Variants in ZNF385D observed in about 807,000 individuals in gnomAD.
ZNF385D encodes the protein zinc finger protein 659.
Under a neutral mutation model 35.8 loss-of-function variants are expected in ZNF385D, and 15 were observed. The observed-to-expected ratio is 0.42, with a 90% confidence interval of 0.28 to 0.64. The LOEUF is 0.64. Among genes scored for constraint, ZNF385D ranks in the 30% least tolerant of loss-of-function variants. The probability of loss-of-function intolerance (pLI) is 0.23; values close to 1 mark genes in which losing one functional copy is unlikely to be tolerated. For missense variants in ZNF385D, 474 were observed against 494.6 expected (o/e 0.96, Z 0.39); for synonymous variants, 212 against 186.8 (o/e 1.13, Z -1.10).
chr3:21,981,049 G>A (rs889743872), intron 3 of ZNF385D, among the ~76,000 whole-genome samples: 4 of 152,008 alleles, frequency 2.6e-5, no homozygotes, highest in Non-Finnish European at 5.9e-5. Flanking sequence ...TGTCTTTATG[G>A]TAGAATAATT....
intron 2 of ZNF385D, among the ~76,000 whole-genome samples, chr3:22,370,588 C>A (rs1696858129): frequency 6.6e-6 from 1 of 152,194 alleles, no homozygotes; most frequent in African/African-American, 2.4e-5. Flanking sequence ...TTATTGCTCT[C>A]ATTTTTCAAG....
In ZNF385D at chr3:22,233,635, AC is replaced by A. The variant is rs569942938; in HGVS notation, c.107-64601del. 2.0e-3 allele frequency among the ~76,000 whole-genome samples: 300 copies of A among 152,146 alleles called. 1 individual carries two copies. The highest frequency in any genetic ancestry group is 0.014 in the Middle Eastern group (4 of 294). On this transcript the variant is annotated intron_variant, in intron 2 of 5. Coordinates refer to the ZNF385D transcript ENST00000494108. Reference sequence around the variant, plus strand: ...CATATGACCCTCCAACTACATCATAACCCCCAGAATACCTGGCTTCTACCCA... The same window carrying A: ...CATATGACCCTCCAACTACATCATAACCCCAGAATACCTGGCTTCTACCCA...
chr3:22,226,344 C>G (rs1172207843), intron 2 of ZNF385D, among the ~76,000 whole-genome samples: 1 of 152,010 alleles, frequency 6.6e-6, no homozygotes, highest in African/African-American at 2.4e-5. Flanking sequence ...GAGTCATAAA[C>G]AGACAATGGG....
At chr3:22,015,093 CATTT>C (rs1246901672) in intron 3 of ZNF385D, among the ~76,000 whole-genome samples, 1 of 152,006 alleles carries the variant, frequency 6.6e-6, no homozygotes. Flanking sequence ...GGGACTCCCA[CATTT>C]ATTATTTACC....
chr3:21,650,530 TAAAG>T (rs1250504813), intron 2 of ZNF385D, among the ~76,000 whole-genome samples: 1 of 152,180 alleles, frequency 6.6e-6, no homozygotes, highest in Non-Finnish European at 1.5e-5. Flanking sequence ...AAATTTATTT[TAAAG>T]AAAGAAATTT....
chr3:22,178,074 A>T (rs1156694467), intron 2 of ZNF385D, among the ~76,000 whole-genome samples: 1 of 152,164 alleles, frequency 6.6e-6, no homozygotes, highest in Non-Finnish European at 1.5e-5. Context: ...TAGCAGCATG[A>T]TATATAATTC....
intron 1 of ZNF385D, among the ~76,000 whole-genome samples, chr3:21,738,764 T>C (rs2069368687): frequency 6.6e-6 from 1 of 152,162 alleles, no homozygotes; most frequent in African/African-American, 2.4e-5. Flanking sequence ...GTGTTGAAAA[T>C]AGAGACAAAA....
chr3:22,138,986 C>A (rs868178853), intron 3 of ZNF385D, among the ~76,000 whole-genome samples: 2,906 of 152,238 alleles, frequency 0.019, 104 homozygotes, highest in African/African-American at 0.065. Context: ...AAACAAACAA[C>A]CCCATCAAAA....
intron 4 of ZNF385D, among the ~76,000 whole-genome samples, chr3:21,506,644 G>C (rs1014020376): frequency 6.6e-6 from 1 of 152,060 alleles, no homozygotes; most frequent in Non-Finnish European, 1.5e-5. Context: ...AAAAACACTT[G>C]CTAGATTAGA....
At chr3:22,167,604 C>G (rs762132768) in intron 3 of ZNF385D, among the ~76,000 whole-genome samples, 11 of 152,292 alleles carry the variant, frequency 7.2e-5, no homozygotes, top group African/African-American at 2.4e-4. Flanking sequence ...CAGAGGGCAG[C>G]CAGCCCACAT....
At chr3:21,979,614 G>C (rs952670133) in intron 3 of ZNF385D, 1 of 152,202 alleles carries the variant, frequency 6.6e-6, no homozygotes, top group Admixed American at 6.5e-5. Flanking sequence ...CAAGGTTCAA[G>C]TATGTTTGTC....
intron 4 of ZNF385D, among the ~76,000 whole-genome samples, chr3:21,451,636 C>T (rs561027701): frequency 1.3e-5 from 2 of 152,054 alleles, no homozygotes; most frequent in East Asian, 1.9e-4. Context: ...TAAATAATTA[C>T]AAAATAAAAC....
chr3:21,708,861 G>GCACA (rs34469159), intron 1 of ZNF385D, among the ~76,000 whole-genome samples: 1,658 of 148,356 alleles, frequency 0.011, 11 homozygotes, highest in Middle Eastern at 0.045. Context: ...GTGTGGGCGT[G>GCACA]CACACACACA....
At position 21,679,438 on chromosome 3, in the gene ZNF385D, T is replaced by G. The variant is rs755419807; in HGVS notation, c.23-14410A>C. Among the ~76,000 whole-genome samples the G allele has an allele frequency of 2.3e-4, 35 of 152,214 alleles. 1 individual carries two copies. Among genetic ancestry groups the G allele is most frequent in the South Asian group, 4.1e-4 (2 of 4,822 alleles). ...TGAGTTAAGCTTTTGAAGGGGAGTA[T>G]TCATGGCTGGGTCATCTTAATTTTT... On this transcript the variant is annotated intron_variant, in intron 1 of 7. Coordinates refer to ENST00000281523, the MANE Select transcript of ZNF385D (RefSeq NM_024697.3).
chr3:21,923,058 A>T (rs549815657), intron 3 of ZNF385D, among the ~76,000 whole-genome samples: 1 of 152,132 alleles, frequency 6.6e-6, no homozygotes, highest in African/African-American at 2.4e-5. Flanking sequence ...TTATACTTTA[A>T]GTTTTAGGGT....
chr3:21,696,817 T>A (rs1238858907), intron 1 of ZNF385D, among the ~76,000 whole-genome samples: 1 of 152,224 alleles, frequency 6.6e-6, no homozygotes, highest in Non-Finnish European at 1.5e-5. Flanking sequence ...AGCATACAAT[T>A]ACTGGGACCT....
chr3:22,085,496 G>A (rs13094922), intron 3 of ZNF385D, among the ~76,000 whole-genome samples: 21,124 of 152,030 alleles, frequency 0.14, 1,575 homozygotes, highest in Non-Finnish European at 0.16. Flanking sequence ...TAAATTCCTC[G>A]ACACATACAC....
At chr3:22,315,312 T>C (rs770982200) in intron 2 of ZNF385D, among the ~76,000 whole-genome samples, 1 of 152,134 alleles carries the variant, frequency 6.6e-6, no homozygotes, top group Non-Finnish European at 1.5e-5. Context: ...TAATTGCCCT[T>C]TGGACCTTCA....
intron 2 of ZNF385D, among the ~76,000 whole-genome samples, chr3:22,232,365 C>A (rs756761553): frequency 1.5e-4 from 22 of 148,700 alleles, no homozygotes; most frequent in Non-Finnish European, 3.3e-4. Context: ...GTATTTTTCT[C>A]TGAGAATGGC....
Sources: allele counts gnomAD v4.1 joint callset (sites outside exome capture counted in the v4.1 genomes callset), GRCh38; gene constraint gnomAD v4.1.1; transcripts MANE v1.5; gene names NCBI Gene and HGNC (gene_info 2026-07-23, HGNC 2026-07-21).